TPCN2: variants seen among roughly 807,000 people sequenced by gnomAD.
TPCN2 encodes the protein two pore segment channel 2, also known as two pore channel protein 2.
A neutral mutation model predicts 111.4 loss-of-function variants in TPCN2; 92 were observed. The observed-to-expected ratio is 0.83, with a 90% CI of 0.70 to 0.98. The LOEUF (loss-of-function observed/expected upper bound fraction) is 0.98. TPCN2 is among the 50% of genes least tolerant of loss of function. The pLI is 0.00. For synonymous variants in TPCN2, 405 were observed against 414.5 expected (o/e 0.98, Z 0.28); for missense variants, 995 against 980.1 (o/e 1.02, Z -0.20).
At position 69,090,137 on chromosome 11, in the gene TPCN2, G is replaced by C. The variant is rs1262155065; in HGVS notation, c.*2184G>C. The C allele has an allele frequency of 6.8e-6, 1 of 146,956 alleles. No homozygotes were observed. The highest frequency in any genetic ancestry group is 1.5e-5 in the Non-Finnish European group (1 of 65,332). The allele number at this position is 146,956 out of a possible 1,614,324, so 9.1% of individuals were successfully genotyped here. ...GGCTGTTGCAGATTGCTGCACCCGG[G>C]AGCTCTTAGTGGACAGAGCTAGAGG... On this transcript the variant is annotated 3_prime_UTR_variant, in exon 25 of 25. Transcript: ENST00000294309.
At chr11:69,067,714 T>C (rs10750840) in intron 8 of TPCN2, 109 bp downstream of exon 8, 1 of 852,258 alleles carries the variant, frequency 1.2e-6, no homozygotes, top group South Asian at 1.6e-5. Context: ...AGGCCTTTTT[T>C]TCGATAAGTG....
chr11:69,089,416 G>T lies in TPCN2; in HGVS notation c.*1463G>T, dbSNP rs1039318833. Reference sequence around the variant, plus strand: ...CCCGCATTCATGTCAGGAGTGAGTCGCACGTGGCTTTGTGGTCATGGCGAC... The same window carrying T: ...CCCGCATTCATGTCAGGAGTGAGTCTCACGTGGCTTTGTGGTCATGGCGAC... On this transcript the variant is annotated 3_prime_UTR_variant, in exon 25 of 25. Coordinates refer to ENST00000294309, the MANE Select transcript of TPCN2 (RefSeq NM_139075.4). The T allele has an allele frequency of 1.3e-5, 2 of 152,242 alleles. No homozygotes were observed. The highest frequency in any genetic ancestry group is 1.3e-4 in the Admixed American group (2 of 15,282). The allele number at this position is 152,242 out of a possible 1,614,324, so 9.4% of individuals were successfully genotyped here. A position where few individuals can be genotyped will look rare whatever the true frequency, so the allele number is the denominator to read the frequency against.
At chr11:69,079,964 C>T in intron 17 of TPCN2, 81 bp downstream of exon 17, 2 of 1,378,622 alleles carry the variant, frequency 1.5e-6, no homozygotes, top group Middle Eastern at 2.3e-4. Context: ...TCAGTGGTGT[C>T]CAGGGGGCTG....
rs376564181 is a variant in TPCN2 at position 69,071,330 on chromosome 11, CT to C, written c.896-25del. 5.0e-6 allele frequency: 8 copies of C among 1,609,286 alleles called. No homozygotes were observed. The African/African-American group carries it at 5.3e-5, about 11-fold the overall frequency. On this transcript the variant is annotated intron_variant, in intron 9 of 24. Transcript: ENST00000294309. Reference sequence around the variant, plus strand: ...TTTTGCTGCTGTACTGGTGGCGCCCCTGACCGTGGCTGTCTCCTCTTGAAGG... The same window carrying C: ...TTTTGCTGCTGTACTGGTGGCGCCCCGACCGTGGCTGTCTCCTCTTGAAGG...
chr11:69,086,007 T>C, intron 22 of TPCN2, 77 bp downstream of exon 22: 1 of 1,406,148 alleles, frequency 7.1e-7, no homozygotes, highest in East Asian at 2.4e-5. Flanking sequence ...ACGCTGCATC[T>C]GCACTGGACG....
chr11:69,059,748 G>T (rs1037832127), intron 5 of TPCN2, among the ~76,000 whole-genome samples: 9 of 152,234 alleles, frequency 5.9e-5, no homozygotes, highest in African/African-American at 2.2e-4. Context: ...GTTGGAGGCA[G>T]GGCAGGCAGA....
At position 69,087,329 on chromosome 11, in the gene TPCN2, C is replaced by G. The variant is rs1006091712; in HGVS notation, c.2180+123C>G. ...CTGTCCTCCCCCTCCGCCCGGTTAT[C>G]TGGCTTTGGTCCTGTGCTCTAGGAG... On this transcript the variant is annotated intron_variant, in intron 24 of 24. Coordinates refer to ENST00000294309, the MANE Select transcript of TPCN2 (RefSeq NM_139075.4). 3.7e-6 allele frequency: 3 copies of G among 810,912 alleles called. No homozygotes were observed. In the African/African-American group the frequency reaches 5.1e-5, roughly 14 times the overall value. 50.2% of individuals were successfully genotyped at this position (810,912 alleles called of 1,614,324 possible).
intron 8 of TPCN2, 94 bp from the exon 9 acceptor site, chr11:69,070,336 C>T: frequency 1.9e-6 from 2 of 1,037,364 alleles, no homozygotes; most frequent in African/African-American, 1.6e-5. Flanking sequence ...ATGGAGACCT[C>T]CTTTCTATTG....
chr11:69,058,027 C>T (rs951996097), intron 5 of TPCN2, among the ~76,000 whole-genome samples: 12 of 152,336 alleles, frequency 7.9e-5, no homozygotes, highest in Admixed American at 1.3e-4. Flanking sequence ...CGGATGAGAG[C>T]GCCACACCAG....
At chr11:69,069,174 T>C (rs61881021) in intron 8 of TPCN2, among the ~76,000 whole-genome samples, 37,972 of 68,592 alleles carry the variant, frequency 0.55, 7,992 homozygotes, top group Non-Finnish European at 0.61. Flanking sequence ...GGAGCAGGAC[T>C]GTCTGAGTCC....
intron 7 of TPCN2, 126 bp downstream of exon 7, chr11:69,064,093 G>T: frequency 1.1e-6 from 1 of 895,792 alleles, no homozygotes; most frequent in Non-Finnish European, 1.8e-6. Context: ...AATAGCAGTG[G>T]CCCATCTGGG....
At position 69,054,797 on chromosome 11, in the gene TPCN2, G is replaced by A. The variant is rs140279990; in HGVS notation, c.251G>A (p.Arg84Gln). The A allele has an allele frequency of 1.1e-5, 18 of 1,613,768 alleles. No homozygotes were observed. The highest frequency in any genetic ancestry group is 1.4e-5 in the Non-Finnish European group (17 of 1,179,890). The part of the protein sequence containing the change: ...YRRYYSNVCQ[R>Q]TLSFTIFLIL... ...CGGTATTACTCGAACGTATGCCAAC[G>A]GTGAGAACGCACCCATGTGGAACTC... The change falls in exon 3 of 25, where the codon CGG (arginine) becomes CAG (glutamine). Residue 84 changes from arginine to glutamine, a missense_variant and splice_region_variant. By Grantham distance (43) the Arg-to-Gln change is conservative (BLOSUM62 1). Coordinates refer to ENST00000294309, the MANE Select transcript of TPCN2 (RefSeq NM_139075.4).
At chr11:69,052,262 G>A (rs1471687798) in intron 1 of TPCN2, among the ~76,000 whole-genome samples, 1 of 152,044 alleles carries the variant, frequency 6.6e-6, no homozygotes, top group Non-Finnish European at 1.5e-5. Flanking sequence ...TAGAGATTTT[G>A]TCTTCTCCCA....
chr11:69,087,090 G>A, intron 23 of TPCN2, 22 bp from the exon 24 acceptor site: 5 of 1,608,020 alleles, frequency 3.1e-6, no homozygotes, highest in Non-Finnish European at 3.4e-6. Context: ...CACACTCACT[G>A]GCCACTCCTC....
In TPCN2 at chr11:69,067,602, G is replaced by A. The variant is rs144488197; in HGVS notation, c.826G>A (p.Asp276Asn). The A allele has an allele frequency of 1.9e-4, 302 of 1,613,690 alleles. No individual in the cohort carries two copies. In the African/African-American group the frequency reaches 3.3e-3, roughly 18 times the overall value. ...GCTGCTGACCACGGCCAACAACCCC[G>A]ATGGTGCGTGCAGGGCCAGGGAGGG... ...LVLLTTANNP[D>N]VMIPAYSKNR... The change falls in exon 8 of 25, where the codon GAT becomes AAT. Residue 276 changes from aspartate (D) to asparagine (N), a missense_variant. By Grantham distance (23) the Asp-to-Asn change is conservative. Transcript: ENST00000294309.
chr11:69,076,786 C>T, intron 13 of TPCN2, among the ~76,000 whole-genome samples: 1 of 82,632 alleles, frequency 1.2e-5, no homozygotes, highest in East Asian at 3.7e-4. Flanking sequence ...CCGTGTCCCT[C>T]CACCTGCCCT....
intron 12 of TPCN2, 79 bp from the exon 13 acceptor site, chr11:69,072,836 G>T: frequency 6.5e-7 from 1 of 1,527,036 alleles, no homozygotes; most frequent in Non-Finnish European, 9.1e-7. Flanking sequence ...TCAGGGTGGG[G>T]TTGGGGCTGG....
chr11:69,081,991 G>GGGCA (rs1243925487), intron 18 of TPCN2, among the ~76,000 whole-genome samples: 1 of 152,122 alleles, frequency 6.6e-6, no homozygotes, highest in Non-Finnish European at 1.5e-5. Flanking sequence ...CACCTTAAAG[G>GGGCA]GGCAGGCAGG....
Position 69,090,424 on chromosome 11 carries a change from C to G in TPCN2, c.*2471C>G, listed in dbSNP as rs1856397224. 1 of 152,172 alleles carries G rather than the reference C, an allele frequency of 6.6e-6. No individual in the cohort carries two copies. The highest frequency in any genetic ancestry group is 1.5e-5 in the Non-Finnish European group (1 of 68,052). 9.4% of individuals were successfully genotyped at this position (152,172 alleles called of 1,614,324 possible). On this transcript the variant is annotated 3_prime_UTR_variant, in exon 25 of 25. Coordinates refer to ENST00000294309, the MANE Select transcript of TPCN2 (RefSeq NM_139075.4). ...GCTCATCCGACTGGGGCTTTGACTC[C>G]CACACTGTGTACCCCTCTTGTGTGG...
Sources: allele counts gnomAD v4.1 joint callset (sites outside exome capture counted in the v4.1 genomes callset), GRCh38; gene constraint gnomAD v4.1.1; transcripts MANE v1.5; gene names NCBI Gene and HGNC (gene_info 2026-07-23, HGNC 2026-07-21).